The following CSMD1 variants were observed in gnomAD, a reference collection of about 807,000 sequenced individuals.
The protein encoded by CSMD1 is CUB and sushi domain-containing protein 1.
A neutral mutation model predicts 417.5 loss-of-function variants in CSMD1; 213 were observed. The observed-to-expected ratio is 0.51, with a 90% CI of 0.46 to 0.57. The LOEUF is 0.57. CSMD1 is among the 20% of genes least tolerant of loss of function. The pLI, the probability that CSMD1 is intolerant of heterozygous loss-of-function variation, is 0.00. For missense variants in CSMD1, 6,923 were observed against 4,529.7 expected (o/e 1.53, Z -15.17); for synonymous variants, 2,862 against 1,736.8 (o/e 1.65, Z -16.11).
At chr8:3,751,965 T>C (rs1008397138) in intron 6 of CSMD1, among the ~76,000 whole-genome samples, 1 of 152,190 alleles carries the variant, frequency 6.6e-6, no homozygotes, top group African/African-American at 2.4e-5. Context: ...CTTATGGTTA[T>C]GTTAAATCTG....
At chr8:3,454,636 T>A (rs1323090291) in intron 12 of CSMD1, among the ~76,000 whole-genome samples, 1 of 152,256 alleles carries the variant, frequency 6.6e-6, no homozygotes, top group Non-Finnish European at 1.5e-5. Context: ...TGTTGAATAT[T>A]GGCCCCCACT....
intron 3 of CSMD1, among the ~76,000 whole-genome samples, chr8:4,076,744 C>T (rs965263811): frequency 2.0e-5 from 3 of 152,126 alleles, no homozygotes. Flanking sequence ...CCTGACCCAC[C>T]CTGGGGAATG....
chr8:4,941,166 T>C (rs1807972063), intron 1 of CSMD1, among the ~76,000 whole-genome samples: 1 of 152,316 alleles, frequency 6.6e-6, no homozygotes, highest in Non-Finnish European at 1.5e-5. Flanking sequence ...ACTCAATAAA[T>C]ATTAAAATAA....
chr8:4,626,709 C>T (rs1585352906), intron 2 of CSMD1, among the ~76,000 whole-genome samples: 1 of 152,024 alleles, frequency 6.6e-6, no homozygotes, highest in Non-Finnish European at 1.5e-5. Context: ...GTCTCCCCAT[C>T]CTGACCTACC....
Position 3,412,940 on chromosome 8 carries a change from G to A in CSMD1, c.1562-3335C>T, listed in dbSNP as rs537419480. Among the ~76,000 whole-genome samples, 45 of 152,248 alleles carry A rather than the reference G, an allele frequency of 3.0e-4. No individual in the cohort carries two copies. The South Asian group carries it at 3.3e-3, about 11-fold the overall frequency. ...TCTCCATTGGGAAGCTGGGCTGGGC[G>A]CCCAGGGTCCTGGCATAGCACAAAT... On this transcript the variant is annotated intron_variant, in intron 12 of 69. Coordinates refer to ENST00000635120, the MANE Select transcript of CSMD1 (RefSeq NM_033225.6).
chr8:3,726,301 C>G (rs554374200), intron 6 of CSMD1, among the ~76,000 whole-genome samples: 2 of 152,274 alleles, frequency 1.3e-5, no homozygotes, highest in African/African-American at 2.4e-5. Context: ...AATACGTGAG[C>G]TCAGACACCT....
At chr8:3,849,833 T>C (rs1016443399) in intron 5 of CSMD1, among the ~76,000 whole-genome samples, 2 of 152,002 alleles carry the variant, frequency 1.3e-5, no homozygotes, top group Non-Finnish European at 2.9e-5. Context: ...TTTTTGTTTT[T>C]GTGATGGAGT....
chr8:3,663,498 C>T (rs1309234938), intron 7 of CSMD1, among the ~76,000 whole-genome samples: 3 of 151,982 alleles, frequency 2.0e-5, no homozygotes, highest in Admixed American at 6.6e-5. Flanking sequence ...ACCTCAGGGC[C>T]CCAAAATCAC....
At chr8:3,084,790 T>G (rs2129005087) in intron 49 of CSMD1, among the ~76,000 whole-genome samples, 1 of 152,120 alleles carries the variant, frequency 6.6e-6, no homozygotes, top group Non-Finnish European at 1.5e-5. Flanking sequence ...AGATAATCAT[T>G]TTTACTCTTC....
At chr8:4,852,272 T>C (rs1371718210) in intron 1 of CSMD1, among the ~76,000 whole-genome samples, 2 of 152,136 alleles carry the variant, frequency 1.3e-5, no homozygotes, top group Non-Finnish European at 1.5e-5. Flanking sequence ...TGGGGCCTTG[T>C]GGGAGGTGCT....
chr8:4,017,795 A>G (rs1796593519), intron 4 of CSMD1, among the ~76,000 whole-genome samples: 1 of 152,128 alleles, frequency 6.6e-6, no homozygotes, highest in African/African-American at 2.4e-5. Context: ...TGTAATCTGC[A>G]TTTGGAAAAG....
At chr8:3,429,986 A>ATGTG (rs1194010613) in intron 12 of CSMD1, among the ~76,000 whole-genome samples, 1 of 152,180 alleles carries the variant, frequency 6.6e-6, no homozygotes, top group Non-Finnish European at 1.5e-5. Context: ...GTATGTATGT[A>ATGTG]TGTGTGTATG....
At chr8:3,169,385 C>T (rs1047202939) in intron 37 of CSMD1, among the ~76,000 whole-genome samples, 1 of 151,940 alleles carries the variant, frequency 6.6e-6, no homozygotes, top group Non-Finnish European at 1.5e-5. Context: ...GAAAAGTCTA[C>T]ATTCTGCTGC....
At chr8:4,409,533 C>T (rs1796528763) in intron 3 of CSMD1, among the ~76,000 whole-genome samples, 1 of 152,118 alleles carries the variant, frequency 6.6e-6, no homozygotes, top group Admixed American at 6.5e-5. Flanking sequence ...TGTAACTAGG[C>T]AGCTCATTGT....
intron 3 of CSMD1, among the ~76,000 whole-genome samples, chr8:4,418,918 G>C (rs567842995): frequency 6.6e-6 from 1 of 152,220 alleles, no homozygotes; most frequent in South Asian, 2.1e-4. Context: ...TATTCCACAC[G>C]TAACTTTAAG....
At chr8:4,035,630 G>A (rs996474137) in intron 3 of CSMD1, among the ~76,000 whole-genome samples, 1 of 152,108 alleles carries the variant, frequency 6.6e-6, no homozygotes, top group Non-Finnish European at 1.5e-5. Flanking sequence ...AACATATAAA[G>A]AAATTTTAAA....
chr8:4,733,333 C>G (rs978863439), intron 1 of CSMD1, among the ~76,000 whole-genome samples: 1 of 152,136 alleles, frequency 6.6e-6, no homozygotes, highest in African/African-American at 2.4e-5. Flanking sequence ...TTAGCCATGC[C>G]AATGACCCTA....
intron 3 of CSMD1, among the ~76,000 whole-genome samples, chr8:4,189,520 A>G (rs6558853): frequency 6.6e-6 from 1 of 151,654 alleles, no homozygotes; most frequent in African/African-American, 2.4e-5. Flanking sequence ...ACATATATTA[A>G]AGATCAATCA....
At chr8:3,840,912 G>A (rs116058056) in intron 5 of CSMD1, among the ~76,000 whole-genome samples, 2,371 of 151,794 alleles carry the variant, frequency 0.016, 57 homozygotes, top group African/African-American at 0.053. Context: ...TCACCATATC[G>A]GTCAGGCTGG....
Sources: gnomAD v4.1 joint callset for allele counts (sites outside exome capture counted in the v4.1 genomes callset) on GRCh38, gnomAD v4.1.1 for gene constraint, MANE v1.5 for transcripts, NCBI Gene and HGNC (gene_info 2026-07-23, HGNC 2026-07-21) for gene names.